CHRNA2: variants seen among roughly 807,000 people sequenced by gnomAD.
CHRNA2 encodes the protein neuronal acetylcholine receptor subunit alpha-2.
In CHRNA2, 40 loss-of-function variants were observed where a neutral mutation model predicts 45.5. The observed-to-expected ratio is 0.88, with a 90% CI of 0.68 to 1.15. The LOEUF (loss-of-function observed/expected upper bound fraction) is 1.15. CHRNA2 is among the 50% of genes most tolerant of loss of function. The pLI is 0.00. For missense variants in CHRNA2, 655 were observed against 701.7 expected (o/e 0.93, Z 0.75); for synonymous variants, 301 against 296.7 (o/e 1.01, Z -0.15).
chr8:27,470,431 T>C (rs185259557), intron 2 of CHRNA2, among the ~76,000 whole-genome samples: 2 of 152,296 alleles, frequency 1.3e-5, no homozygotes, highest in Admixed American at 6.5e-5. Flanking sequence ...AACAGGGAAA[T>C]GGACCGCTTT....
intron 5 of CHRNA2, 54 bp downstream of exon 5, chr8:27,467,174 CG>C (rs772332837): frequency 1.5e-5 from 21 of 1,401,046 alleles, no homozygotes; most frequent in African/African-American, 2.9e-5. Flanking sequence ...GCCATGGACC[CG>C]GCCCCTGCAA....
chr8:27,473,837 G>C (rs1431498386), intron 1 of CHRNA2, among the ~76,000 whole-genome samples: 2 of 152,176 alleles, frequency 1.3e-5, no homozygotes, highest in African/African-American at 4.8e-5. Context: ...ACTCTCAACA[G>C]TGTTTCCAGC....
At position 27,461,605 on chromosome 8, in the gene CHRNA2, G is replaced by A. The variant is rs1408472956; in HGVS notation, c.*24C>T. On this transcript the variant is annotated 3_prime_UTR_variant, in exon 7 of 7. Coordinates refer to ENST00000407991, the MANE Select transcript of CHRNA2 (RefSeq NM_000742.4). ...AAAGATGGTCAGCGGGGGTGCCCTGGGAGCCAGCTCGAGGGAGGTGCAGTC... is the reference window on the plus strand; with the variant it reads ...AAAGATGGTCAGCGGGGGTGCCCTGAGAGCCAGCTCGAGGGAGGTGCAGTC... 6.2e-7 allele frequency: 1 copy of A among 1,613,966 alleles called. No individual in the cohort carries two copies. Among genetic ancestry groups the A allele is most frequent in the East Asian group, 2.2e-5 (1 of 44,874 alleles).
intron 5 of CHRNA2, 60 bp from the exon 6 acceptor site, chr8:27,464,053 C>A: frequency 6.3e-7 from 1 of 1,596,170 alleles, no homozygotes; most frequent in Non-Finnish European, 8.6e-7. Flanking sequence ...AGCCAGGCTA[C>A]TCAGAGAGCT....
At position 27,467,289 on chromosome 8, in the gene CHRNA2, A is replaced by G; in HGVS notation, c.389T>C (p.Ile130Thr). 6.2e-7 allele frequency: 1 copy of G among 1,614,076 alleles called. No homozygotes were observed. The highest frequency in any genetic ancestry group is 8.5e-7 in the Non-Finnish European group (1 of 1,179,934). The change falls in exon 5 of 7, where the codon ATC becomes ACC. Residue 130 changes from isoleucine to threonine, a missense_variant. By Grantham distance (89) the Ile-to-Thr change is moderately conservative. Transcript: ENST00000407991. ...LRWNPTDFGN[I>T]TSLRVPSEMI... ...CTCAGAAGGGACCCTGAGAGATGTGATGTTGCCAAAATCAGTGGGGTTCCA... is the reference window on the plus strand; with the variant it reads ...CTCAGAAGGGACCCTGAGAGATGTGGTGTTGCCAAAATCAGTGGGGTTCCA...
chr8:27,476,515 G>A (rs1314114933), intron 1 of CHRNA2, among the ~76,000 whole-genome samples: 1 of 152,226 alleles, frequency 6.6e-6, no homozygotes, highest in African/African-American at 2.4e-5. Flanking sequence ...TTAATACCCA[G>A]GGGAAACTGC....
chr8:27,464,048 G>C, intron 5 of CHRNA2, 55 bp from the exon 6 acceptor site: 1 of 1,603,204 alleles, frequency 6.2e-7, no homozygotes, highest in Non-Finnish European at 8.5e-7. Flanking sequence ...GCCTGAGCCA[G>C]GCTACTCAGA....
At chr8:27,469,595 C>G (rs1812804914) in intron 3 of CHRNA2, 166 bp downstream of exon 3, 8 of 918,134 alleles carry the variant, frequency 8.7e-6, no homozygotes, top group Non-Finnish European at 1.2e-5. Flanking sequence ...AGCTCCAGAG[C>G]TGGGAGAGGG....
chr8:27,461,897 G>T, intron 6 of CHRNA2, 143 bp from the exon 7 acceptor site: 1 of 1,152,424 alleles, frequency 8.7e-7, no homozygotes, highest in East Asian at 2.4e-5. Flanking sequence ...GTCAGCACAG[G>T]GAGCGGGGTG....
chr8:27,465,375 T>A (rs972469050), intron 5 of CHRNA2, among the ~76,000 whole-genome samples: 2 of 152,006 alleles, frequency 1.3e-5, no homozygotes, highest in Middle Eastern at 3.2e-3. Flanking sequence ...GGTAGAGATA[T>A]GGGCAGGCTG....
chr8:27,468,305 A>G (rs915292800), intron 4 of CHRNA2, among the ~76,000 whole-genome samples: 1 of 152,160 alleles, frequency 6.6e-6, no homozygotes, highest in African/African-American at 2.4e-5. Context: ...ACACCGCATG[A>G]CTGGGTAGCT....
intron 1 of CHRNA2, among the ~76,000 whole-genome samples, chr8:27,472,026 T>G (rs971855072): frequency 6.6e-6 from 1 of 152,178 alleles, no homozygotes; most frequent in African/African-American, 2.4e-5. Flanking sequence ...TAATGAGGCC[T>G]CCATAAAACC....
In CHRNA2 at chr8:27,461,664, G is replaced by A. The variant is rs1586386548; in HGVS notation, c.1555C>T (p.Leu519Phe). ...CCAGCTAGGAACGGAGGCAGAAAGA[G>A]GCCGATGGTCCCCAGGAAGCAGACG... ...IIVCFLGTIG[L>F]FLPPFLAGMI The change falls in exon 7 of 7, where the codon CTC becomes TTC. Residue 519 changes from leucine to phenylalanine, a missense_variant. Physicochemically the swap from Leu to Phe is conservative, Grantham distance 22. This residue lies in a region of CHRNA2 where 295 missense variants were observed against 280.4 expected (regional missense o/e 1.05). Transcript: ENST00000407991. The A allele has an allele frequency of 1.9e-6, 3 of 1,614,246 alleles. No homozygotes were observed. In the East Asian group the frequency reaches 6.7e-5, roughly 36 times the overall value.
intron 1 of CHRNA2, among the ~76,000 whole-genome samples, chr8:27,476,068 A>T (rs774123472): frequency 2.0e-5 from 3 of 152,204 alleles, no homozygotes; most frequent in Non-Finnish European, 2.9e-5. Context: ...ATTTGCATTC[A>T]TAGTGTGATT....
At position 27,461,734 on chromosome 8, in the gene CHRNA2, A is replaced by T. The variant is rs1812496974; in HGVS notation, c.1485T>A (p.Tyr495Ter). ...AGATCCTGTCGATGACCATGGCAAC[A>T]TACTTCCAGTCCTCCTTCACCTGTG... ...ADSSVKEDWK[Y>*]VAMVIDRIFL... Residue 495 changes from tyrosine (Y) to a stop codon, truncating the protein, a stop_gained, in exon 7 of 7, where the codon TAT (tyrosine) becomes TAA (stop). Transcript: ENST00000407991. LOFTEE classifies it high-confidence loss of function. 6.2e-7 allele frequency: 1 copy of T among 1,614,070 alleles called. No individual in the cohort carries two copies. Among genetic ancestry groups the T allele is most frequent in the East Asian group, 2.2e-5 (1 of 44,902 alleles).
intron 2 of CHRNA2, 72 bp from the exon 3 acceptor site, chr8:27,470,053 C>T: frequency 2.2e-6 from 3 of 1,342,974 alleles, no homozygotes; most frequent in Non-Finnish European, 3.1e-6. Context: ...AGATGCTTAT[C>T]CAGAACCTAT....
rs906848200 is a variant in CHRNA2, at chr8:27,461,440, C to T, written c.*189G>A. 1.3e-6 allele frequency: 1 copy of T among 793,270 alleles called. No homozygotes were observed. The highest frequency in any genetic ancestry group is 2.0e-6 in the Non-Finnish European group (1 of 508,546). 49.1% of individuals were successfully genotyped at this position (793,270 alleles called of 1,614,324 possible). On this transcript the variant is annotated 3_prime_UTR_variant, in exon 7 of 7. Transcript: ENST00000407991. Reference sequence around the variant, plus strand: ...TCCGTATCCAAAACAGGGCTTTGCACCCAGCAGGCTGTCAGCCCTGGTACA... The same window carrying T: ...TCCGTATCCAAAACAGGGCTTTGCATCCAGCAGGCTGTCAGCCCTGGTACA...
In CHRNA2 at chr8:27,460,744, T is replaced by C. The variant is rs936116072; in HGVS notation, c.*885A>G. 2.0e-5 allele frequency: 3 copies of C among 152,166 alleles called. No homozygotes were observed. Among genetic ancestry groups the C allele is most frequent in the African/African-American group, 7.3e-5 (3 of 41,346 alleles). The allele number at this position is 152,166 out of a possible 1,614,324, so 9.4% of individuals were successfully genotyped here. A position where few individuals can be genotyped will look rare whatever the true frequency, so the allele number is the denominator to read the frequency against. ...GTGGGTCAGGAGCAGCTCAGGATGG[T>C]CTTTCTTGTTTGCCTGCTGCACGCG... On this transcript the variant is annotated 3_prime_UTR_variant, in exon 7 of 7. Transcript: ENST00000407991.
rs1813139707 is a variant in CHRNA2, at chr8:27,478,847, T to A, written c.-160A>T. 1 of 152,064 alleles carries A rather than the reference T, an allele frequency of 6.6e-6. No homozygotes were observed. Among genetic ancestry groups the A allele is most frequent in the South Asian group, 2.1e-4 (1 of 4,814 alleles). 9.4% of individuals were successfully genotyped at this position (152,064 alleles called of 1,614,324 possible). A position where few individuals can be genotyped will look rare whatever the true frequency, so the allele number is the denominator to read the frequency against. On this transcript the variant is annotated 5_prime_UTR_variant, in exon 1 of 7. Transcript: ENST00000407991. ...ACCTGTGGTTACAGAAGAAAACAGG[T>A]CATTGAAAGGATGCAGAGAACCAGC...
Sources: allele counts gnomAD v4.1 joint callset (sites outside exome capture counted in the v4.1 genomes callset), GRCh38; gene constraint gnomAD v4.1.1; regional missense constraint gnomAD v4.1.1; transcripts MANE v1.5; gene names NCBI Gene and HGNC (gene_info 2026-07-23, HGNC 2026-07-21).